The following GCNA variants were observed in gnomAD, a reference collection of about 807,000 sequenced individuals.
GCNA encodes germ cell nuclear acidic peptidase.
Under a neutral mutation model 38.8 loss-of-function variants are expected in GCNA, and 3 were observed. The ratio of observed to expected loss-of-function variants is 0.08; its 90% confidence interval spans 0.04 to 0.20. The LOEUF is 0.20. GCNA is among the 10% of genes least tolerant of loss of function. GCNA has a pLI of 1.00. For missense variants in GCNA, 446 were observed against 578.6 expected, an observed-to-expected ratio of 0.77 and a Z score of 2.35; for synonymous variants, 195 against 240.2, an observed-to-expected ratio of 0.81 and a Z score of 1.74.
intron 1 of GCNA, among the ~76,000 whole-genome samples, chrX:71,579,405 G>A (rs954254392): frequency 1.0e-5 from 1 of 97,310 alleles, no homozygotes; most frequent in Admixed American, 1.1e-4. Flanking sequence ...GCCAATGGGG[G>A]CGTTGAGGGA....
chrX:71,607,204 A>T (rs1422661517), intron 9 of GCNA, among the ~76,000 whole-genome samples: 2 of 112,215 alleles, frequency 1.8e-5, no homozygotes, highest in African/African-American at 6.5e-5. Flanking sequence ...TCAGGTTTGC[A>T]TCTGCCACCT....
At chrX:71,600,245 T>C (rs367825568) in intron 7 of GCNA, among the ~76,000 whole-genome samples, 1 of 111,380 alleles carries the variant, frequency 9.0e-6, no homozygotes, top group Non-Finnish European at 1.9e-5. Context: ...TTTGCACTTA[T>C]GAACTAATTT....
At chrX:71,612,224 G>A in intron 11 of GCNA, 131 bp from the exon 12 acceptor site, 2 of 510,018 alleles carry the variant, frequency 3.9e-6, no homozygotes. Context: ...GTTGCAGTGA[G>A]CTGAGATCAT....
chrX:71,613,055 G>A lies in GCNA; in HGVS notation c.*73G>A. The A allele has an allele frequency of 8.6e-7, 1 of 1,160,416 alleles. No homozygotes were observed. Among genetic ancestry groups the A allele is most frequent in the Non-Finnish European group, 1.2e-6 (1 of 854,684 alleles). On this transcript the variant is annotated 3_prime_UTR_variant, in exon 13 of 13. Transcript: ENST00000373696. ...GATGGCTAGGATTAGCCTTGGGGAT[G>A]TGATGAAAACACTTGGCAGGAATTA...
chrX:71,597,956 G>C lies in GCNA; in HGVS notation c.228G>C (p.Val76=). ...CTCCTGTTTCATCACTCAGCTCCGT[G>C]GTAGTGATTGACTCTGATTCTGATG... ...RRAPKRQASS[V]VVIDSDSDEE... Residue 76 remains valine (V), a synonymous_variant, in exon 7 of 13, where the codon GTG becomes GTC. Transcript: ENST00000373696. 8.3e-7 allele frequency: 1 copy of C among 1,204,035 alleles called. No individual in the cohort carries two copies. The highest frequency in any genetic ancestry group is 1.1e-6 in the Non-Finnish European group (1 of 888,650).
At chrX:71,579,929 G>T (rs1157112061) in intron 1 of GCNA, among the ~76,000 whole-genome samples, 16 of 107,518 alleles carry the variant, frequency 1.5e-4, no homozygotes, top group African/African-American at 5.1e-4. Flanking sequence ...CTGGAGGCAG[G>T]AATAGGAAGC....
intron 7 of GCNA, among the ~76,000 whole-genome samples, chrX:71,602,421 A>G (rs1243585211): frequency 9.0e-6 from 1 of 111,463 alleles, no homozygotes; most frequent in Non-Finnish European, 1.9e-5. Context: ...TCCTTACCTC[A>G]GATAATCCAC....
intron 7 of GCNA, among the ~76,000 whole-genome samples, chrX:71,603,043 G>A (rs745514295): frequency 7.1e-5 from 8 of 111,913 alleles, no homozygotes; most frequent in Admixed American, 9.5e-5. Flanking sequence ...CTTCCTTTTC[G>A]CCAGTGTATG....
Position 71,604,483 on chromosome X carries a change from G to C in GCNA, c.1206G>C (p.Glu402Asp). 8.3e-7 allele frequency: 1 copy of C among 1,203,220 alleles called. No individual in the cohort carries two copies. Among genetic ancestry groups the C allele is most frequent in the Non-Finnish European group, 1.1e-6 (1 of 890,860 alleles). Residue 402 changes from glutamate (E) to aspartate (D), a missense_variant, in exon 8 of 13, where the codon GAG becomes GAC. By Grantham distance (45) the Glu-to-Asp change is conservative (BLOSUM62 2). This residue lies in a region of GCNA where 160 missense variants were observed against 165.2 expected (regional missense o/e 0.97). Transcript: ENST00000373696. ...AGAGAAAGCTGCCAACTGAGGAAGA[G>C]CCTGCACCTGTGGTGGAACAATCAG... ...VSERKLPTEE[E>D]PAPVVEQSGK...
intron 9 of GCNA, among the ~76,000 whole-genome samples, chrX:71,607,499 G>A (rs940300821): frequency 5.3e-5 from 6 of 112,476 alleles, no homozygotes; most frequent in African/African-American, 1.9e-4. Context: ...GGACTTAGTG[G>A]ACTGTTCCAG....
chrX:71,603,573 T>C lies in GCNA; in HGVS notation c.311-15T>C. 1 of 1,198,990 alleles carries C rather than the reference T, an allele frequency of 8.3e-7. No individual in the cohort carries two copies. The highest frequency in any genetic ancestry group is 1.1e-6 in the Non-Finnish European group (1 of 888,780). On this transcript the variant is annotated splice_polypyrimidine_tract_variant and intron_variant, in intron 7 of 12. Coordinates refer to ENST00000373696, the MANE Select transcript of GCNA (RefSeq NM_052957.5). ...GGGAGTATATTTACATATGATTGTG[T>C]CTCTTGAATTTCAGATGAGAGTCCG... is the stretch of plus-strand genomic sequence containing the variant.
intron 2 of GCNA, among the ~76,000 whole-genome samples, chrX:71,591,772 T>C (rs1167343990): frequency 1.8e-5 from 2 of 112,305 alleles, no homozygotes; most frequent in Non-Finnish European, 3.8e-5. Flanking sequence ...CCCAAGTTGG[T>C]GGGATTACAG....
intron 11 of GCNA, among the ~76,000 whole-genome samples, chrX:71,611,087 G>A (rs1240953757): frequency 8.9e-6 from 1 of 112,098 alleles, no homozygotes; most frequent in Non-Finnish European, 1.9e-5. Flanking sequence ...AGGAGCTGAG[G>A]TTCAAGGTCC....
chrX:71,604,756 T>C, intron 8 of GCNA, 80 bp downstream of exon 8: 2 of 1,143,231 alleles, frequency 1.7e-6, no homozygotes, highest in East Asian at 3.0e-5. Flanking sequence ...CCAGTCTGCC[T>C]GTCCTCCCTT....
chrX:71,593,810 C>T (rs977881790), intron 4 of GCNA, among the ~76,000 whole-genome samples: 19 of 101,616 alleles, frequency 1.9e-4, no homozygotes, highest in African/African-American at 6.2e-4. Flanking sequence ...TCCTTTCCCC[C>T]GAGGCTCTTT....
chrX:71,588,247 C>T (rs968419932), intron 2 of GCNA, among the ~76,000 whole-genome samples: 11 of 111,227 alleles, frequency 9.9e-5, no homozygotes, highest in Admixed American at 2.9e-4. Context: ...AGTAGATGCT[C>T]GATAAATGTC....
At chrX:71,582,380 A>AT (rs746411251) in intron 2 of GCNA, among the ~76,000 whole-genome samples, 123 of 106,834 alleles carry the variant, frequency 1.2e-3, no homozygotes, top group Non-Finnish European at 2.0e-3. Flanking sequence ...TTATTCATTT[A>AT]TTTTTTTTTT....
Position 71,612,331 on chromosome X carries a change from ATTTCT to A in GCNA, c.1751-19_1751-15del. 1 of 952,025 alleles carries A rather than the reference ATTTCT, an allele frequency of 1.1e-6. No homozygotes were observed. Among genetic ancestry groups the A allele is most frequent in the South Asian group, 2.1e-5 (1 of 46,570 alleles). The allele number at this position is 952,025 out of a possible 1,213,427, so 78.5% of individuals were successfully genotyped here. On this transcript the variant is annotated intron_variant, in intron 11 of 12. Transcript: ENST00000373696. ...AAAGAGGATTGGTTTTAGTGCTCAC[ATTTCT>A]TTTCATTCTTCTTTCAAGACCGAAT...
intron 11 of GCNA, 47 bp from the exon 12 acceptor site, chrX:71,612,308 A>G (rs1046686085): frequency 6.0e-5 from 43 of 712,781 alleles, no homozygotes; most frequent in Non-Finnish European, 8.2e-5. Context: ...AAAAAAAAAA[A>G]GAGGATTGGT....
Sources: allele counts gnomAD v4.1 joint callset (sites outside exome capture counted in the v4.1 genomes callset), GRCh38; gene constraint gnomAD v4.1.1; regional missense constraint gnomAD v4.1.1; transcripts MANE v1.5; gene names NCBI Gene and HGNC (gene_info 2026-07-23, HGNC 2026-07-21).